CP: variants seen among roughly 807,000 people sequenced by gnomAD.
CP encodes caeruloplasmin.
Under a neutral mutation model 122.4 loss-of-function variants are expected in CP, and 64 were observed. That is an observed-to-expected ratio of 0.52 (90% confidence interval 0.43 to 0.64). CP has a LOEUF of 0.64. CP is among the 30% of genes least tolerant of loss of function. The pLI is 0.00. For missense variants in CP, 1,167 were observed against 1,284.4 expected (o/e 0.91, Z 1.40); for synonymous variants, 440 against 436.4 (o/e 1.01, Z -0.10).
At chr3:149,195,163 C>T (rs1726819589) in intron 9 of CP, among the ~76,000 whole-genome samples, 1 of 152,126 alleles carries the variant, frequency 6.6e-6, no homozygotes, top group South Asian at 2.1e-4. Context: ...GTGAAAATCC[C>T]CAAATTTGAC....
intron 18 of CP, chr3:149,175,940 A>T: frequency 3.4e-6 from 1 of 291,204 alleles, no homozygotes; most frequent in South Asian, 5.1e-5. Context: ...GTCTTATGTA[A>T]ATAATGGTTT....
chr3:149,178,086 A>G, intron 16 of CP, 107 bp from the exon 17 acceptor site: 1 of 1,051,364 alleles, frequency 9.5e-7, no homozygotes, highest in African/African-American at 1.6e-5. Flanking sequence ...TTTTTGATGT[A>G]ATAGGACTTA....
At chr3:149,177,720 G>T (rs1333959217) in intron 17 of CP, 120 bp downstream of exon 17, 6 of 1,028,726 alleles carry the variant, frequency 5.8e-6, no homozygotes, top group Non-Finnish European at 9.2e-6. Context: ...CCACGGATAT[G>T]AAGCACCGGC....
chr3:149,178,552 A>C lies in CP; in HGVS notation c.2741T>G (p.Leu914Arg). ...AACTAGAAACAGAAGGGCAAATTCCAGTTTCCTTCTGGGATTGAATACTTT... is the reference window on the plus strand; with the variant it reads ...AACTAGAAACAGAAGGGCAAATTCCCGTTTCCTTCTGGGATTGAATACTTT... ...YLKVFNPRRK[L>R]EFALLFLVFD... The change falls in exon 16 of 19, where the codon CTG (leucine) becomes CGG (arginine). Residue 914 changes from leucine (L) to arginine (R), a missense_variant. Coordinates refer to ENST00000264613, the MANE Select transcript of CP (RefSeq NM_000096.4). 3.7e-6 allele frequency: 6 copies of C among 1,613,296 alleles called. No individual in the cohort carries two copies. The highest frequency in any genetic ancestry group is 5.1e-6 in the Non-Finnish European group (6 of 1,179,306).
intron 1 of CP, chr3:149,218,022 G>A (rs901462210): frequency 5.9e-5 from 13 of 221,944 alleles, no homozygotes; most frequent in African/African-American, 3.1e-4. Context: ...ATGTTTGTAA[G>A]AACTGTATGT....
Position 149,167,081 on chromosome 3 carries a change from C to A in CP, c.587-1031G>T, listed in dbSNP as rs774685745. The A allele has an allele frequency of 6.2e-7, 1 of 1,613,856 alleles. No homozygotes were observed. The highest frequency in any genetic ancestry group is 8.5e-7 in the Non-Finnish European group (1 of 1,179,788). On this transcript the variant is annotated intron_variant, in intron 4 of 5. Coordinates refer to the CP transcript ENST00000479771. ...TTGACATAGCTTCCATTATTCCGTT[C>A]TTGGAGCCACTTTCAGAAGACACTA...
intron 1 of CP, among the ~76,000 whole-genome samples, chr3:149,219,395 C>T (rs1372203335): frequency 2.0e-5 from 3 of 152,170 alleles, no homozygotes; most frequent in Admixed American, 6.5e-5. Context: ...CCCCACATGT[C>T]AAGGGAGGGG....
rs1461577013 is a variant in CP, at chr3:149,173,755, CATT to C, written c.3182-28_3182-26del. On this transcript the variant is annotated intron_variant, in intron 18 of 18. Coordinates refer to ENST00000264613, the MANE Select transcript of CP (RefSeq NM_000096.4). ...TCTATAGAAAAAGAAATTTTAAGAC[CATT>C]ATTAAAAATAATATATGGTTAGAAA... The C allele has an allele frequency of 2.4e-6, 3 of 1,225,764 alleles. No individual in the cohort carries two copies. The Admixed American group carries it at 6.0e-5, about 24-fold the overall frequency. 75.9% of individuals were successfully genotyped at this position (1,225,764 alleles called of 1,614,324 possible). A position where few individuals can be genotyped will look rare whatever the true frequency, so the allele number is the denominator to read the frequency against.
chr3:149,203,899 G>A (rs1727520980), intron 6 of CP, among the ~76,000 whole-genome samples: 1 of 152,126 alleles, frequency 6.6e-6, no homozygotes. Flanking sequence ...TTGAGGTTGG[G>A]GAAAGTGCAG....
rs564491051 is a variant in CP, at chr3:149,199,764, A to G, written c.1449T>C (p.Asn483=). The change falls in exon 8 of 19, where the codon AAT becomes AAC. Residue 483 remains asparagine, a synonymous_variant. Transcript: ENST00000264613. ...AATAGTATGTGCCCTCGTTGTTCTTATTGAATCTCACCCCAATCGGCTCAA... is the reference window on the plus strand; with the variant it reads ...AATAGTATGTGCCCTCGTTGTTCTTGTTGAATCTCACCCCAATCGGCTCAA... ...LSIEPIGVRF[N]KNNEGTYYSP... is the part of the protein sequence containing the mutation. The G allele has an allele frequency of 6.2e-7, 1 of 1,614,054 alleles. No individual in the cohort carries two copies. The highest frequency in any genetic ancestry group is 8.5e-7 in the Non-Finnish European group (1 of 1,179,984).
chr3:149,182,940 C>CAGG (rs561955392), intron 13 of CP, among the ~76,000 whole-genome samples: 3 of 152,012 alleles, frequency 2.0e-5, no homozygotes, highest in Non-Finnish European at 2.9e-5. Context: ...CACTTGAGGC[C>CAGG]AGGAGTTTGA....
At chr3:149,175,664 A>AGTGTGTGTGTGTGTGTGTGTGTGT (rs60005904) in intron 18 of CP, among the ~76,000 whole-genome samples, 2,374 of 145,550 alleles carry the variant, frequency 0.016, 35 homozygotes, top group African/African-American at 0.033. Context: ...CTCCATTTTA[A>AGTGTGTGTGTGTGTGTGTGTGTGT]GTGTGTGTGT....
At chr3:149,188,495 A>C (rs1365315406) in intron 9 of CP, among the ~76,000 whole-genome samples, 43 of 121,216 alleles carry the variant, frequency 3.5e-4, no homozygotes, top group African/African-American at 1.5e-3. Flanking sequence ...GCCTCCAAAA[A>C]AAAAAAAAAA....
intron 14 of CP, among the ~76,000 whole-genome samples, chr3:149,181,533 CTG>C (rs1725774269): frequency 6.6e-6 from 1 of 152,240 alleles, no homozygotes; most frequent in South Asian, 2.1e-4. Context: ...TGTATATAAT[CTG>C]TTCAAGATTT....
intron 9 of CP, among the ~76,000 whole-genome samples, chr3:149,188,696 G>C (rs893753551): frequency 6.6e-5 from 10 of 151,898 alleles, no homozygotes; most frequent in Non-Finnish European, 1.3e-4. Context: ...ACAATCTCCA[G>C]CCAGCTGTTC....
At chr3:149,215,289 G>A (rs1034972754) in intron 1 of CP, among the ~76,000 whole-genome samples, 1 of 152,168 alleles carries the variant, frequency 6.6e-6, no homozygotes, top group Non-Finnish European at 1.5e-5. Context: ...AAATGCTCCT[G>A]TATTAATCAT....
At chr3:149,207,130 T>C (rs940574736) in intron 5 of CP, among the ~76,000 whole-genome samples, 1 of 152,184 alleles carries the variant, frequency 6.6e-6, no homozygotes, top group Non-Finnish European at 1.5e-5. Flanking sequence ...AGTACTATAC[T>C]TTCAGGGCCA....
At chr3:149,181,892 A>G in intron 14 of CP, 113 bp downstream of exon 14, 1 of 1,185,426 alleles carries the variant, frequency 8.4e-7, no homozygotes, top group Non-Finnish European at 1.3e-6. Flanking sequence ...CCCTCTTCAC[A>G]ACTACCTCCC....
chr3:149,168,371 T>C (rs1475689783), downstream of CP: 2 of 207,502 alleles, frequency 9.6e-6, no homozygotes, highest in Non-Finnish European at 2.0e-5. Context: ...CAAGTATTGA[T>C]GAATAACAAC....
Sources: gnomAD v4.1 joint callset for allele counts (sites outside exome capture counted in the v4.1 genomes callset) on GRCh38, gnomAD v4.1.1 for gene constraint, MANE v1.5 for transcripts, NCBI Gene and HGNC (gene_info 2026-07-23, HGNC 2026-07-21) for gene names.